Variants in SCAPER observed in about 807,000 individuals in gnomAD.
The protein encoded by SCAPER is S phase cyclin A-associated protein in the endoplasmic reticulum.
Under a neutral mutation model 182.2 loss-of-function variants are expected in SCAPER, and 98 were observed. The ratio of observed to expected loss-of-function variants is 0.54; its 90% CI spans 0.46 to 0.64. SCAPER has a LOEUF of 0.64. Ranked by LOEUF, SCAPER falls within the 30% of genes least tolerant of loss-of-function variation. SCAPER has a pLI of 0.00. For synonymous variants in SCAPER, 605 were observed against 564.6 expected, an observed-to-expected ratio of 1.07 and a Z score of -1.01; for missense variants, 1,432 against 1,690.0, an observed-to-expected ratio of 0.85 and a Z score of 2.68.
intron 28 of SCAPER, 139 bp from the exon 29 acceptor site, chr15:76,376,450 C>T (rs2042575007): frequency 2.1e-6 from 2 of 938,240 alleles, no homozygotes; most frequent in Non-Finnish European, 3.1e-6. Flanking sequence ...ATGCTTAATG[C>T]TTTAGTTTAG....
At chr15:76,716,261 A>G (rs767626734) in intron 17 of SCAPER, among the ~76,000 whole-genome samples, 17 of 152,178 alleles carry the variant, frequency 1.1e-4, no homozygotes, top group Non-Finnish European at 2.1e-4. Flanking sequence ...ACAGAAGCAG[A>G]GCCACTGTGT....
At chr15:76,556,769 A>G (rs1238723116) in intron 23 of SCAPER, among the ~76,000 whole-genome samples, 1 of 152,152 alleles carries the variant, frequency 6.6e-6, no homozygotes, top group East Asian at 1.9e-4. Context: ...GCAATCAGGC[A>G]TGAGAAAAAA....
At chr15:76,713,633 G>A (rs1367905322) in intron 17 of SCAPER, among the ~76,000 whole-genome samples, 5 of 151,732 alleles carry the variant, frequency 3.3e-5, no homozygotes, top group East Asian at 3.9e-4. Context: ...CTGTTGTGGG[G>A]TGGGGGGAGA....
chr15:76,626,590 G>A lies in SCAPER; in HGVS notation c.2646-4761C>T, dbSNP rs555338457. On this transcript the variant is annotated intron_variant, in intron 21 of 31. Transcript: ENST00000563290. ...AAATTAGCTGGGTGTGGTGGCGCAC[G>A]CCTGTAATCCCAGCTAATTAGGTGG... 9.2e-5 allele frequency among the ~76,000 whole-genome samples: 14 copies of A among 152,266 alleles called. 1 individual carries two copies. The highest frequency in any genetic ancestry group is 3.9e-4 in the East Asian group (2 of 5,172).
chr15:76,639,015 T>C (rs2053877495), intron 21 of SCAPER, among the ~76,000 whole-genome samples: 1 of 152,030 alleles, frequency 6.6e-6, no homozygotes, highest in Non-Finnish European at 1.5e-5. Flanking sequence ...AGATCTAGAG[T>C]CTAAATAGAA....
At chr15:76,442,218 A>G (rs2047663088) in intron 25 of SCAPER, among the ~76,000 whole-genome samples, 3 of 152,312 alleles carry the variant, frequency 2.0e-5, no homozygotes, top group South Asian at 2.1e-4. Flanking sequence ...TCTATGAGGT[A>G]CATCTTTTCT....
intron 16 of SCAPER, among the ~76,000 whole-genome samples, chr15:76,730,196 G>T (rs280035): frequency 0.97 from 147,627 of 152,252 alleles, 71,714 homozygotes; most frequent in South Asian, 1. Flanking sequence ...TTAACTGAGC[G>T]CACAATAGTA....
chr15:76,606,993 A>G (rs1326423691), intron 22 of SCAPER, among the ~76,000 whole-genome samples: 1 of 152,204 alleles, frequency 6.6e-6, no homozygotes, highest in Non-Finnish European at 1.5e-5. Context: ...GTGTCTTTTA[A>G]TTGGAGCATT....
intron 1 of SCAPER, 80 bp from the exon 2 acceptor site, chr15:76,883,956 T>A (rs1310626916): frequency 2.9e-6 from 2 of 684,058 alleles, no homozygotes; most frequent in African/African-American, 3.8e-5. Context: ...ACAAATCTCA[T>A]CCCCACACTT....
chr15:76,680,280 C>T (rs1282507231), intron 20 of SCAPER, among the ~76,000 whole-genome samples: 1 of 151,808 alleles, frequency 6.6e-6, no homozygotes. Flanking sequence ...AGTAGAATGA[C>T]AGAAAATGAT....
At chr15:76,472,238 G>C in intron 24 of SCAPER, 1 of 548,232 alleles carries the variant, frequency 1.8e-6, no homozygotes, top group Non-Finnish European at 3.5e-6. Flanking sequence ...CTGCAAAGGA[G>C]AGAGAGGAGG....
At chr15:76,375,874 A>T (rs1259880213) in intron 29 of SCAPER, among the ~76,000 whole-genome samples, 1 of 152,208 alleles carries the variant, frequency 6.6e-6, no homozygotes, top group African/African-American at 2.4e-5. Context: ...AATCCCAGCT[A>T]CTTGGGAGGC....
intron 23 of SCAPER, among the ~76,000 whole-genome samples, chr15:76,535,463 A>G (rs1213618281): frequency 7.5e-6 from 1 of 133,804 alleles, no homozygotes; most frequent in Admixed American, 8.8e-5. Context: ...CGGAGGTTGC[A>G]GTGAGCTGAG....
intron 22 of SCAPER, among the ~76,000 whole-genome samples, chr15:76,584,740 C>T (rs1454197394): frequency 1.3e-5 from 2 of 152,052 alleles, no homozygotes; most frequent in Non-Finnish European, 2.9e-5. Flanking sequence ...TTGTAAAAGA[C>T]AGGGTCTTGC....
intron 5 of SCAPER, among the ~76,000 whole-genome samples, chr15:76,814,013 C>CA (rs1167684044): frequency 6.6e-6 from 1 of 152,000 alleles, no homozygotes; most frequent in East Asian, 1.9e-4. Flanking sequence ...ACTAAAATTA[C>CA]AAAAATTAGC....
At chr15:76,837,179 T>C (rs1476507004) in intron 5 of SCAPER, among the ~76,000 whole-genome samples, 1 of 151,908 alleles carries the variant, frequency 6.6e-6, no homozygotes, top group African/African-American at 2.4e-5. Flanking sequence ...TATAAGGAAT[T>C]TAAATCAACA....
intron 13 of SCAPER, 69 bp downstream of exon 13, chr15:76,765,268 T>C: frequency 7.8e-7 from 1 of 1,276,316 alleles, no homozygotes; most frequent in Non-Finnish European, 1.1e-6. Flanking sequence ...GTAGCAATTT[T>C]ATTTAACAGT....
At chr15:76,529,790 T>A (rs573887005) in intron 23 of SCAPER, among the ~76,000 whole-genome samples, 18 of 152,284 alleles carry the variant, frequency 1.2e-4, no homozygotes, top group East Asian at 3.9e-4. Context: ...AGTGAGAGAA[T>A]AGGTCATACA....
intron 1 of SCAPER, among the ~76,000 whole-genome samples, chr15:76,891,801 T>A (rs954472884): frequency 1.3e-5 from 2 of 152,072 alleles, no homozygotes; most frequent in African/African-American, 4.8e-5. Context: ...CTTCACAGAA[T>A]TGGAAATTCT....
Sources: gnomAD v4.1 joint callset for allele counts (sites outside exome capture counted in the v4.1 genomes callset) on GRCh38, gnomAD v4.1.1 for gene constraint, MANE v1.5 for transcripts, NCBI Gene and HGNC (gene_info 2026-07-23, HGNC 2026-07-21) for gene names.